Variants in MAGI2 observed in about 807,000 individuals in gnomAD.
The protein encoded by MAGI2 is membrane-associated guanylate kinase, WW and PDZ domain-containing protein 2.
A neutral mutation model predicts 133.3 loss-of-function variants in MAGI2; 35 were observed. That is an observed-to-expected ratio of 0.26 (90% CI 0.20 to 0.35). The LOEUF (loss-of-function observed/expected upper bound fraction) is 0.35. MAGI2 is among the 10% of genes least tolerant of loss of function. MAGI2 has a pLI of 1.00. For missense variants in MAGI2, 1,636 were observed against 1,863.4 expected (o/e 0.88, Z 2.25); for synonymous variants, 729 against 710.6 (o/e 1.03, Z -0.41).
chr7:78,347,682 A>G (rs767248427), intron 7 of MAGI2, among the ~76,000 whole-genome samples: 15 of 152,344 alleles, frequency 9.8e-5, no homozygotes, highest in Non-Finnish European at 1.9e-4. Flanking sequence ...GGGGAACTTC[A>G]GAAGCACTGG....
intron 1 of MAGI2, among the ~76,000 whole-genome samples, chr7:79,392,871 CA>C (rs11300084): frequency 0.25 from 37,403 of 151,996 alleles, 5,956 homozygotes; most frequent in African/African-American, 0.44. Flanking sequence ...TCTCCCAGGA[CA>C]AACTAAACGA....
chr7:78,711,363 A>AGGAG (rs1255053856), intron 2 of MAGI2, among the ~76,000 whole-genome samples: 1 of 152,132 alleles, frequency 6.6e-6, no homozygotes, highest in Non-Finnish European at 1.5e-5. Flanking sequence ...GGTTGCAGAG[A>AGGAG]GGAGGGATGT....
At chr7:79,132,005 T>C (rs1410905601) in intron 1 of MAGI2, among the ~76,000 whole-genome samples, 1 of 152,164 alleles carries the variant, frequency 6.6e-6, no homozygotes, top group Non-Finnish European at 1.5e-5. Flanking sequence ...TAAAACATTT[T>C]ATGACTGCAA....
chr7:79,200,303 T>G (rs975934744), intron 1 of MAGI2, among the ~76,000 whole-genome samples: 1 of 151,948 alleles, frequency 6.6e-6, no homozygotes, highest in Non-Finnish European at 1.5e-5. Flanking sequence ...AAAAATACCA[T>G]GTTGCCTTAC....
chr7:79,368,814 C>G (rs1842886241), intron 1 of MAGI2, among the ~76,000 whole-genome samples: 1 of 138,590 alleles, frequency 7.2e-6, no homozygotes, highest in Non-Finnish European at 1.5e-5. Context: ...TGCCACTGCA[C>G]TCCAGCCTGG....
intron 5 of MAGI2, among the ~76,000 whole-genome samples, chr7:78,500,455 T>G (rs1400991659): frequency 6.6e-6 from 1 of 152,250 alleles, no homozygotes; most frequent in Admixed American, 6.5e-5. Context: ...CTCTTACTAA[T>G]GAACATTTTG....
chr7:78,283,191 C>G (rs1236002449), intron 9 of MAGI2, among the ~76,000 whole-genome samples: 2 of 152,046 alleles, frequency 1.3e-5, no homozygotes, highest in Non-Finnish European at 2.9e-5. Context: ...TTTGAATATT[C>G]TAAAACTTAA....
chr7:78,257,302 GAC>G (rs1793088174), intron 9 of MAGI2, among the ~76,000 whole-genome samples: 1 of 152,222 alleles, frequency 6.6e-6, no homozygotes, highest in Non-Finnish European at 1.5e-5. Context: ...CATAGTGTAT[GAC>G]ACACAGTGCT....
intron 2 of MAGI2, among the ~76,000 whole-genome samples, chr7:78,840,149 C>A (rs1212048508): frequency 6.6e-6 from 1 of 151,952 alleles, no homozygotes; most frequent in Non-Finnish European, 1.5e-5. Flanking sequence ...CAACATTTGG[C>A]TCCCCAATGT....
At position 78,168,097 on chromosome 7, in the gene MAGI2, T is replaced by C. The variant is rs1043523715; in HGVS notation, c.2415A>G (p.Gly805=). The change falls in exon 15 of 22, where the codon GGA becomes GGG. Residue 805 remains glycine (G), a synonymous_variant. Transcript: ENST00000354212. ...CGGCTGAGCCCATGGCAATGACAGCTCCAATCAAAATCTAGAGAAGCAGTG... is the reference window on the plus strand; with the variant it reads ...CGGCTGAGCCCATGGCAATGACAGCCCCAATCAAAATCTAGAGAAGCAGTG... ...GDEPGQPILI[G]AVIAMGSADR... The C allele has an allele frequency of 8.7e-6, 14 of 1,613,084 alleles. No homozygotes were observed. The East Asian group carries it at 2.9e-4, about 33-fold the overall frequency.
chr7:79,446,180 G>T (rs1298714850), intron 1 of MAGI2, among the ~76,000 whole-genome samples: 3 of 152,160 alleles, frequency 2.0e-5, no homozygotes, highest in Non-Finnish European at 4.4e-5. Flanking sequence ...GTGGGAGGAG[G>T]GGGGAGGGAT....
chr7:78,397,647 G>T (rs184797286), intron 6 of MAGI2, among the ~76,000 whole-genome samples: 7 of 152,190 alleles, frequency 4.6e-5, no homozygotes, highest in African/African-American at 1.7e-4. Context: ...CCTGAGTTAG[G>T]GCTCAGAAAC....
chr7:78,084,323 T>G (rs1200464826), intron 20 of MAGI2, among the ~76,000 whole-genome samples: 1 of 152,218 alleles, frequency 6.6e-6, no homozygotes, highest in Non-Finnish European at 1.5e-5. Flanking sequence ...TTTCTCCCAC[T>G]GACACTAGAC....
chr7:79,407,016 C>A (rs556584433), intron 1 of MAGI2, among the ~76,000 whole-genome samples: 33 of 152,086 alleles, frequency 2.2e-4, no homozygotes, highest in African/African-American at 7.2e-4. Context: ...ACAGTAGGAC[C>A]AATGATTTTG....
chr7:79,310,241 C>T (rs546555820), intron 1 of MAGI2, among the ~76,000 whole-genome samples: 2 of 130,124 alleles, frequency 1.5e-5, no homozygotes, highest in African/African-American at 5.7e-5. Context: ...TATTCGAATG[C>T]ATTTTTGTGT....
intron 9 of MAGI2, 109 bp from the exon 10 acceptor site, chr7:78,256,690 G>A: frequency 2.3e-6 from 2 of 885,078 alleles, no homozygotes; most frequent in East Asian, 2.6e-5. Context: ...TTAGTAAGCA[G>A]TGAGAAATCA....
At chr7:78,029,330 A>C (rs1809314094) in intron 21 of MAGI2, among the ~76,000 whole-genome samples, 1 of 152,232 alleles carries the variant, frequency 6.6e-6, no homozygotes, top group Non-Finnish European at 1.5e-5. Context: ...TCTGCATTAG[A>C]GAATCTATGA....
chr7:78,831,779 C>T (rs1416558492), intron 2 of MAGI2, among the ~76,000 whole-genome samples: 1 of 152,142 alleles, frequency 6.6e-6, no homozygotes, highest in East Asian at 1.9e-4. Flanking sequence ...AGTGAATTTA[C>T]ATTTCATACC....
chr7:78,685,962 TTTTTTTTCTTTTC>T (rs1356073265), intron 2 of MAGI2, among the ~76,000 whole-genome samples: 3 of 81,286 alleles, frequency 3.7e-5, no homozygotes, highest in African/African-American at 1.2e-4. Flanking sequence ...TTTCTTTTTC[TTTTTTTTCTTTTC>T]TTTTTTTTTT....
Sources: gnomAD v4.1 joint callset for allele counts (sites outside exome capture counted in the v4.1 genomes callset) on GRCh38, gnomAD v4.1.1 for gene constraint, MANE v1.5 for transcripts, NCBI Gene and HGNC (gene_info 2026-07-23, HGNC 2026-07-21) for gene names.